LIMA1: variants seen among roughly 807,000 people sequenced by gnomAD.
The protein encoded by LIMA1 is LIM domain and actin-binding protein 1.
Under a neutral mutation model 62.6 loss-of-function variants are expected in LIMA1, and 52 were observed. The ratio of observed to expected loss-of-function variants is 0.83; its 90% CI spans 0.67 to 1.05. The LOEUF is 1.05. Ranked by LOEUF, LIMA1 falls within the 50% of genes least tolerant of loss-of-function variation. The pLI is 0.00. For synonymous variants in LIMA1, 302 were observed against 317.8 expected (o/e 0.95, Z 0.53); for missense variants, 780 against 902.2 (o/e 0.86, Z 1.74).
At position 50,216,917 on chromosome 12, in the gene LIMA1, C is replaced by G. The variant is rs144804520; in HGVS notation, c.630+5104G>C. Among the ~76,000 whole-genome samples the G allele has an allele frequency of 4.0e-3, 613 of 152,054 alleles. 5 individuals are homozygous for G. The highest frequency in any genetic ancestry group is 0.014 in the African/African-American group (576 of 41,482). On this transcript the variant is annotated intron_variant, in intron 4 of 10. Transcript: ENST00000341247. ...AGCTAAACCACCTGACCTAAATAAC[C>G]TATCTATTCATCAAATGTAGAGAAT...
At chr12:50,252,107 T>A (rs1188706711) in intron 1 of LIMA1, among the ~76,000 whole-genome samples, 2 of 152,096 alleles carry the variant, frequency 1.3e-5, no homozygotes, top group East Asian at 3.9e-4. Flanking sequence ...ATGCGTGGTG[T>A]AGGAATACAA....
At chr12:50,208,777 C>G (rs552102040) in intron 4 of LIMA1, among the ~76,000 whole-genome samples, 2 of 151,430 alleles carry the variant, frequency 1.3e-5, no homozygotes, top group East Asian at 3.9e-4. Flanking sequence ...GGAGGCTGAG[C>G]CAGGAGGATC....
At chr12:50,227,495 C>T (rs547948424) in intron 3 of LIMA1, among the ~76,000 whole-genome samples, 3 of 152,206 alleles carry the variant, frequency 2.0e-5, no homozygotes, top group Non-Finnish European at 4.4e-5. Context: ...CCGCCTCAGC[C>T]GGGATTACAG....
chr12:50,268,092 T>G (rs780375746), intron 1 of LIMA1, among the ~76,000 whole-genome samples: 1 of 152,202 alleles, frequency 6.6e-6, no homozygotes, highest in Non-Finnish European at 1.5e-5. Flanking sequence ...CAGCTGTCCT[T>G]TCCTGGTGTC....
At chr12:50,178,753 T>C (rs1940413276) in intron 10 of LIMA1, among the ~76,000 whole-genome samples, 1 of 151,878 alleles carries the variant, frequency 6.6e-6, no homozygotes, top group Non-Finnish European at 1.5e-5. Flanking sequence ...TACCAATCTG[T>C]ACCCAATCAA....
intron 4 of LIMA1, chr12:50,219,534 G>A (rs1212861179): frequency 6.6e-6 from 1 of 152,012 alleles, no homozygotes; most frequent in Admixed American, 6.6e-5. Flanking sequence ...TTTTCAGTAT[G>A]GACAATGATG....
intron 3 of LIMA1, among the ~76,000 whole-genome samples, chr12:50,229,489 C>A (rs1941578305): frequency 6.6e-6 from 1 of 151,912 alleles, no homozygotes; most frequent in Non-Finnish European, 1.5e-5. Context: ...GGGAATTGAA[C>A]AATGAGAACA....
At chr12:50,202,407 A>G (rs1435503148) in intron 6 of LIMA1, among the ~76,000 whole-genome samples, 1 of 152,144 alleles carries the variant, frequency 6.6e-6, no homozygotes, top group East Asian at 1.9e-4. Flanking sequence ...AAAGTTACTC[A>G]ACAGGTTTCC....
chr12:50,279,607 G>A (rs181909872), intron 1 of LIMA1, among the ~76,000 whole-genome samples: 108 of 152,246 alleles, frequency 7.1e-4, no homozygotes, highest in African/African-American at 2.5e-3. Context: ...GATCATGGGA[G>A]TAAGTGGTTA....
rs780131446 is a variant in LIMA1, at chr12:50,192,518, G to C, written c.1074C>G (p.Pro358=). 1 of 1,613,412 alleles carries C rather than the reference G, an allele frequency of 6.2e-7. No homozygotes were observed. The highest frequency in any genetic ancestry group is 1.3e-5 in the African/African-American group (1 of 74,920). ...VKSEVQQPVH[P]KPLSPDSRAS... is the part of the protein sequence containing the mutation. ...CTCTGGAATCTGGACTTAGTGGCTT[G>C]GGATGGACAGGCTGTTGAACCTCAC... Residue 358 remains proline (P), a synonymous_variant, in exon 9 of 11, where the codon CCC becomes CCG. Coordinates refer to ENST00000341247, the MANE Select transcript of LIMA1 (RefSeq NM_016357.5).
intron 10 of LIMA1, among the ~76,000 whole-genome samples, chr12:50,178,539 A>G (rs1461071547): frequency 6.6e-6 from 1 of 151,882 alleles, no homozygotes; most frequent in Non-Finnish European, 1.5e-5. Context: ...TTAAAAAAAA[A>G]AAAAAAGAAA....
chr12:50,277,308 A>G (rs1942287713), intron 1 of LIMA1, among the ~76,000 whole-genome samples: 1 of 152,106 alleles, frequency 6.6e-6, no homozygotes, highest in African/African-American at 2.4e-5. Flanking sequence ...AAAGGGCACA[A>G]ACAAATTAAG....
chr12:50,188,992 G>A (rs1212907782), intron 9 of LIMA1: 1 of 152,110 alleles, frequency 6.6e-6, no homozygotes, highest in Non-Finnish European at 1.5e-5. Flanking sequence ...GTAACCCTGT[G>A]GGGTTTGCTA....
At chr12:50,180,850 C>T (rs1304368009) in intron 10 of LIMA1, among the ~76,000 whole-genome samples, 2 of 152,074 alleles carry the variant, frequency 1.3e-5, no homozygotes, top group Non-Finnish European at 2.9e-5. Flanking sequence ...CAGTGGCTCA[C>T]ACCTATAATC....
At chr12:50,271,655 A>G (rs1942213424) in intron 1 of LIMA1, among the ~76,000 whole-genome samples, 1 of 152,202 alleles carries the variant, frequency 6.6e-6, no homozygotes. Flanking sequence ...GAATGTGGAA[A>G]TTTACAATTG....
At chr12:50,260,587 C>T (rs183035299) in intron 1 of LIMA1, among the ~76,000 whole-genome samples, 218 of 152,186 alleles carry the variant, frequency 1.4e-3, no homozygotes, top group African/African-American at 5.1e-3. Context: ...TCATTTTTCT[C>T]CAAAGAATTG....
intron 1 of LIMA1, among the ~76,000 whole-genome samples, chr12:50,277,841 C>T (rs555332575): frequency 1.3e-5 from 2 of 152,144 alleles, no homozygotes; most frequent in African/African-American, 4.8e-5. Context: ...AAAATGTTAA[C>T]GCCCAAATAA....
At chr12:50,272,517 G>C (rs1014543535) in intron 1 of LIMA1, among the ~76,000 whole-genome samples, 1 of 149,300 alleles carries the variant, frequency 6.7e-6, no homozygotes, top group Non-Finnish European at 1.5e-5. Context: ...GCTTGAACCC[G>C]GGAGGTGGAG....
intron 4 of LIMA1, among the ~76,000 whole-genome samples, chr12:50,207,894 A>AG (rs1354409541): frequency 6.6e-6 from 1 of 151,434 alleles, no homozygotes; most frequent in Non-Finnish European, 1.5e-5. Flanking sequence ...TGTCTCAAAA[A>AG]AAAAAAAAAA....
Sources: gnomAD v4.1 joint callset for allele counts (sites outside exome capture counted in the v4.1 genomes callset) on GRCh38, gnomAD v4.1.1 for gene constraint, MANE v1.5 for transcripts, NCBI Gene and HGNC (gene_info 2026-07-23, HGNC 2026-07-21) for gene names.